MIA2: variants seen among roughly 807,000 people sequenced by gnomAD.
The protein encoded by MIA2 is MIA SH3 domain ER export factor 2, also known as melanoma inhibitory activity protein 2.
Under a neutral mutation model 167.8 loss-of-function variants are expected in MIA2, and 127 were observed. The ratio of observed to expected loss-of-function variants is 0.76; its 90% CI spans 0.66 to 0.88. The LOEUF (loss-of-function observed/expected upper bound fraction) is 0.88. Among genes scored for constraint, MIA2 ranks in the 40% least tolerant of loss-of-function variants. The probability of loss-of-function intolerance (pLI) is 0.00; values close to 1 mark genes in which losing one functional copy is unlikely to be tolerated. For synonymous variants in MIA2, 552 were observed against 541.9 expected (o/e 1.02, Z -0.26); for missense variants, 1,690 against 1,624.7 (o/e 1.04, Z -0.69).
chr14:39,253,152 T>A lies in MIA2; in HGVS notation c.1868T>A (p.Ile623Asn). 6.2e-7 allele frequency: 1 copy of A among 1,608,548 alleles called. No homozygotes were observed. Among genetic ancestry groups the A allele is most frequent in the Non-Finnish European group, 8.5e-7 (1 of 1,176,680 alleles). The change falls in exon 6 of 29, where the codon ATT becomes AAT. Residue 623 changes from isoleucine to asparagine, a missense_variant. By Grantham distance (149) the Ile-to-Asn change is moderately radical. Coordinates refer to ENST00000640607, the MANE Select transcript of MIA2 (RefSeq NM_001329214.4). ...YDFMNSAFSP[I>N]VILTERVVAA... ...TTCATGAATTCTGCATTTTCACCAA[T>A]TGTAATTCTTACAGAAAGGGTAAGT... is the stretch of plus-strand genomic sequence containing the variant.
intron 14 of MIA2, among the ~76,000 whole-genome samples, chr14:39,301,011 C>T (rs35139176): frequency 0.91 from 135,076 of 149,098 alleles, 61,286 homozygotes; most frequent in East Asian, 0.95. Context: ...CATATATACA[C>T]ATATATACAC....
chr14:39,279,611 G>A, intron 9 of MIA2, 74 bp downstream of exon 9: 1 of 940,044 alleles, frequency 1.1e-6, no homozygotes. Context: ...GTACTTCTGT[G>A]TAAATTTAAG....
At chr14:39,246,081 T>TA (rs1327818212) in intron 3 of MIA2, among the ~76,000 whole-genome samples, 11 of 120,996 alleles carry the variant, frequency 9.1e-5, no homozygotes, top group Admixed American at 4.6e-4. Context: ...TTTTTAAAAA[T>TA]TTTTATTTAT....
At chr14:39,277,713 T>TTTA (rs2058285807) in intron 7 of MIA2, among the ~76,000 whole-genome samples, 2 of 5,460 alleles carry the variant, frequency 3.7e-4, no homozygotes, top group Admixed American at 1.8e-3. Flanking sequence ...TATATATATA[T>TTTA]ATGTGTGTAT....
intron 23 of MIA2, among the ~76,000 whole-genome samples, chr14:39,360,972 T>G (rs1303638002): frequency 6.6e-6 from 1 of 152,234 alleles, no homozygotes; most frequent in East Asian, 1.9e-4. Context: ...ATACATGGAT[T>G]TATTTCTGGG....
Position 39,348,937 on chromosome 14 carries a change from A to G in MIA2, c.4032A>G (p.Pro1344=). Residue 1344 remains proline, a synonymous_variant, in exon 28 of 29, where the codon CCA becomes CCG. Transcript: ENST00000640607. ...AMFGASRDYF[P]PGDFPGPPPA... is the part of the protein sequence containing the mutation. ...TTGGAGCTTCTCGAGATTATTTTCC[A>G]CCAGGGGATTTCCCAGGTCCACCAC... 6.2e-7 allele frequency: 1 copy of G among 1,613,906 alleles called. No homozygotes were observed. The highest frequency in any genetic ancestry group is 8.5e-7 in the Non-Finnish European group (1 of 1,179,948).
intron 25 of MIA2, among the ~76,000 whole-genome samples, chr14:39,337,146 C>T (rs185223298): frequency 1.2e-4 from 18 of 152,020 alleles, no homozygotes; most frequent in Admixed American, 4.6e-4. Flanking sequence ...GAAACTCATT[C>T]GAATATAATA....
chr14:39,357,884 ACT>A (rs56094606), intron 23 of MIA2, among the ~76,000 whole-genome samples: 98,026 of 151,348 alleles, frequency 0.65, 33,051 homozygotes, highest in African/African-American at 0.85. Context: ...ATTGGCCCGC[ACT>A]CTCTTCTGGC....
At chr14:39,269,988 G>C (rs1252858428) in intron 6 of MIA2, among the ~76,000 whole-genome samples, 33 of 152,216 alleles carry the variant, frequency 2.2e-4, no homozygotes, top group Non-Finnish European at 1.5e-4. Context: ...AAGTACCTGG[G>C]TGGAATCGCT....
chr14:39,364,553 G>T (rs941986857), intron 23 of MIA2, among the ~76,000 whole-genome samples: 2 of 150,668 alleles, frequency 1.3e-5, no homozygotes, highest in African/African-American at 4.9e-5. Context: ...GATAGGTTTT[G>T]TCCTTTCCCT....
chr14:39,269,953 A>G (rs991898501), intron 6 of MIA2, among the ~76,000 whole-genome samples: 2 of 152,032 alleles, frequency 1.3e-5, no homozygotes, highest in African/African-American at 2.4e-5. Flanking sequence ...ATAAGTTTTT[A>G]TATATGTTTT....
rs142937614 is a variant in MIA2, at chr14:39,247,115, T to G, written c.541T>G (p.Leu181Val). The G allele has an allele frequency of 1.2e-6, 2 of 1,610,848 alleles. No individual in the cohort carries two copies. The highest frequency in any genetic ancestry group is 1.7e-6 in the Non-Finnish European group (2 of 1,179,326). Residue 181 changes from leucine (L) to valine (V), a missense_variant, in exon 4 of 29, where the codon TTA becomes GTA. Transcript: ENST00000640607. ...TTTGTTTGAAGACCAAGTTCCAGCA[T>G]TAGAGGCTCCTGAAGATATCGGAAG... ...STLFEDQVPA[L>V]EAPEDIGSTS...
chr14:39,327,044 TA>T (rs2067710844), intron 25 of MIA2, 22 bp downstream of exon 25: 1 of 1,439,296 alleles, frequency 6.9e-7, no homozygotes, highest in Non-Finnish European at 9.1e-7. Flanking sequence ...CAATAGTTAT[TA>T]TTTCTCTTTG....
Position 39,247,841 on chromosome 14 carries a change from AAAGAAC to A in MIA2, c.1273_1278del (p.Gln425_Glu426del). The stretch of plus-strand genomic sequence containing the variant: ...TCTAACAAGTGAATTAGACCCTGAA[AAAGAAC>A]AAGAAATAGAAACGATAAAAATTAT... On this transcript the variant is annotated inframe_deletion, in exon 4 of 29. Coordinates refer to ENST00000640607, the MANE Select transcript of MIA2 (RefSeq NM_001329214.4). 6.3e-7 allele frequency: 1 copy of A among 1,589,588 alleles called. No homozygotes were observed. The highest frequency in any genetic ancestry group is 8.5e-7 in the Non-Finnish European group (1 of 1,174,166).
chr14:39,366,634 G>A (rs941792097), intron 23 of MIA2, among the ~76,000 whole-genome samples: 28 of 152,214 alleles, frequency 1.8e-4, no homozygotes, highest in African/African-American at 6.8e-4. Context: ...CTTGGATGGT[G>A]TGTTTGGAAA....
In MIA2 at chr14:39,299,792, A is replaced by T. The variant is rs1015930336; in HGVS notation, c.2497-72A>T. The T allele has an allele frequency of 4.7e-6, 7 of 1,502,084 alleles. No individual in the cohort carries two copies. The South Asian group carries it at 9.0e-5, about 19-fold the overall frequency. The allele number at this position is 1,502,084 out of a possible 1,614,324, so 93.0% of individuals were successfully genotyped here. ...ATGTTTTTCTTTTTTAAGTAGCTAC[A>T]TAATGCCTTCTTGGTATCTTTTAAT... On this transcript the variant is annotated intron_variant, in intron 13 of 28. Coordinates refer to ENST00000640607, the MANE Select transcript of MIA2 (RefSeq NM_001329214.4).
intron 25 of MIA2, among the ~76,000 whole-genome samples, chr14:39,340,699 A>T (rs568648890): frequency 2.6e-5 from 4 of 152,186 alleles, no homozygotes; most frequent in Non-Finnish European, 5.9e-5. Flanking sequence ...ATCCTCTCAG[A>T]GGATGATATT....
At chr14:39,306,163 C>T (rs1566844097) in intron 17 of MIA2, among the ~76,000 whole-genome samples, 2 of 151,838 alleles carry the variant, frequency 1.3e-5, no homozygotes, top group Admixed American at 1.3e-4. Context: ...GTACAATTTC[C>T]TATACATTTA....
chr14:39,355,826 G>C (rs554830111), downstream of MIA2, among the ~76,000 whole-genome samples: 21 of 152,148 alleles, frequency 1.4e-4, no homozygotes, highest in African/African-American at 4.6e-4. Context: ...GGTTTTTGTC[G>C]TTGGTTCTGT....
Sources: gnomAD v4.1 joint callset for allele counts (sites outside exome capture counted in the v4.1 genomes callset) on GRCh38, gnomAD v4.1.1 for gene constraint, MANE v1.5 for transcripts, NCBI Gene and HGNC (gene_info 2026-07-23, HGNC 2026-07-21) for gene names.